Variants in MAP2 observed in about 807,000 individuals in gnomAD.
The protein encoded by MAP2 is microtubule-associated protein 2.
In MAP2, 14 loss-of-function variants were observed where a neutral mutation model predicts 137.6. The ratio of observed to expected loss-of-function variants is 0.10; its 90% CI spans 0.07 to 0.16. The LOEUF (loss-of-function observed/expected upper bound fraction) is 0.16. Ranked by LOEUF, MAP2 falls within the 10% of genes least tolerant of loss-of-function variation. The pLI is 1.00. For synonymous variants in MAP2, 786 were observed against 782.3 expected, an observed-to-expected ratio of 1.00 and a Z score of -0.08; for missense variants, 2,088 against 2,191.5, an observed-to-expected ratio of 0.95 and a Z score of 0.94.
intron 1 of MAP2, among the ~76,000 whole-genome samples, chr2:209,435,998 T>TATATACAGTATATATTATATATA (rs1696049090): frequency 1.1e-5 from 1 of 88,806 alleles, no homozygotes; most frequent in Non-Finnish European, 2.0e-5. Flanking sequence ...TATTATATAC[T>TATATACAGTATATATTATATATA]ATATATACAG....
chr2:209,678,824 T>G, intron 6 of MAP2, 139 bp downstream of exon 6: 1 of 466,654 alleles, frequency 2.1e-6, no homozygotes. Context: ...TGACTGGGTA[T>G]GCACTAGGAC....
At chr2:209,692,506 T>A in intron 7 of MAP2, 119 bp from the exon 8 acceptor site, 1 of 1,082,794 alleles carries the variant, frequency 9.2e-7, no homozygotes, top group Non-Finnish European at 1.3e-6. Context: ...CATGCTTGCA[T>A]GTTCCATAAT....
rs143758370 is a variant in MAP2 at position 209,725,634 on chromosome 2, C to T, written c.5074-75C>T. ...GCATGTTGTGACTTTGGGTGTGTTT[C>T]TAGATCTTATGTATGAGCTTGGGTT... is the stretch of plus-strand genomic sequence containing the variant. On this transcript the variant is annotated intron_variant, in intron 13 of 15. Transcript: ENST00000682079. The T allele has an allele frequency of 6.2e-5, 55 of 889,272 alleles. No homozygotes were observed. In the East Asian group the frequency reaches 1.5e-3, roughly 24 times the overall value. The allele number at this position is 889,272 out of a possible 1,614,324, so 55.1% of individuals were successfully genotyped here.
At chr2:209,587,468 A>G (rs1367397231) in intron 3 of MAP2, among the ~76,000 whole-genome samples, 2 of 152,070 alleles carry the variant, frequency 1.3e-5, no homozygotes, top group African/African-American at 2.4e-5. Flanking sequence ...ACTCTATAGG[A>G]GAATGCATCG....
Position 209,694,639 on chromosome 2 carries a change from T to A in MAP2, c.2469T>A (p.Ser823Arg). The A allele has an allele frequency of 6.2e-7, 1 of 1,614,126 alleles. No individual in the cohort carries two copies. Among genetic ancestry groups the A allele is most frequent in the East Asian group, 2.2e-5 (1 of 44,872 alleles). ...CAAGGTCAAGATTGGCTTCTGTGAG[T>A]GCAGATGCTGAGGTTGCCAGGAGGA... The part of the protein sequence containing the change: ...AGTRSRLASV[S>R]ADAEVARRKS... The change falls in exon 8 of 16, where the codon AGT (serine) becomes AGA (arginine). Residue 823 changes from serine to arginine, a missense_variant. By Grantham distance (110) the Ser-to-Arg change is moderately radical. This residue lies in a region of MAP2 where 500 missense variants were observed against 482.9 expected (regional missense o/e 1.04). Coordinates refer to ENST00000682079, the MANE Select transcript of MAP2 (RefSeq NM_001375505.1).
chr2:209,549,977 G>T (rs770163182), intron 2 of MAP2, among the ~76,000 whole-genome samples: 3 of 152,178 alleles, frequency 2.0e-5, no homozygotes, highest in South Asian at 2.1e-4. Flanking sequence ...GATGGAAAAG[G>T]TACTGATTTA....
intron 1 of MAP2, among the ~76,000 whole-genome samples, chr2:209,455,419 G>A (rs1254474597): frequency 6.6e-6 from 1 of 152,164 alleles, no homozygotes; most frequent in African/African-American, 2.4e-5. Flanking sequence ...TTTTATCTCT[G>A]AAATTGCTCC....
In MAP2 at chr2:209,729,859, G is replaced by A. The variant is rs1239778625; in HGVS notation, c.5165G>A (p.Arg1722His). 21 of 1,609,284 alleles carry A rather than the reference G, an allele frequency of 1.3e-5. No individual in the cohort carries two copies. Among genetic ancestry groups the A allele is most frequent in the Middle Eastern group, 1.6e-4 (1 of 6,062 alleles). The change falls in exon 15 of 16, where the codon CGT becomes CAT. Residue 1722 changes from arginine (R) to histidine (H), a missense_variant. Physicochemically the swap from Arg to His is conservative, Grantham distance 29. Around this residue, in one of 6 missense-constraint regions of MAP2, gnomAD observed 112 missense variants for 201.0 expected, o/e 0.56. Transcript: ENST00000682079. ...ATTTCTTCCCTCATAGGTGGCGGAC[G>A]TGTGAAAATTGAGAGTGTAAAACTA... ...KNIRHRPGGGRVKIESVKLDF... is the reference protein window; with the variant it reads ...KNIRHRPGGGHVKIESVKLDF...
intron 2 of MAP2, among the ~76,000 whole-genome samples, chr2:209,571,558 A>G (rs981643232): frequency 6.6e-6 from 1 of 152,068 alleles, no homozygotes; most frequent in Non-Finnish European, 1.5e-5. Flanking sequence ...TTGTTCAACT[A>G]TTATAGTTTT....
At chr2:209,520,453 T>C (rs1261764416) in intron 2 of MAP2, among the ~76,000 whole-genome samples, 2 of 152,100 alleles carry the variant, frequency 1.3e-5, no homozygotes, top group African/African-American at 4.8e-5. Context: ...AGGGAAGATA[T>C]TCTAATAATG....
At chr2:209,495,962 T>C (rs1364657417) in intron 1 of MAP2, among the ~76,000 whole-genome samples, 1 of 152,178 alleles carries the variant, frequency 6.6e-6, no homozygotes, top group Admixed American at 6.5e-5. Context: ...ATGGGTGAAA[T>C]AGTTTCAATT....
chr2:209,452,481 G>T (rs940185409), intron 1 of MAP2, among the ~76,000 whole-genome samples: 1 of 152,036 alleles, frequency 6.6e-6, no homozygotes, highest in Non-Finnish European at 1.5e-5. Context: ...AAAAATCATG[G>T]TTAGTACCCC....
chr2:209,482,018 ACTT>A (rs1708897727), intron 1 of MAP2, among the ~76,000 whole-genome samples: 1 of 151,796 alleles, frequency 6.6e-6, no homozygotes, highest in Admixed American at 6.6e-5. Context: ...TTACCGTGGA[ACTT>A]CTTTTTTTTT....
Position 209,694,011 on chromosome 2 carries a change from A to G in MAP2, c.1841A>G (p.Lys614Arg). 6.2e-7 allele frequency: 1 copy of G among 1,614,034 alleles called. No individual in the cohort carries two copies. The highest frequency in any genetic ancestry group is 8.5e-7 in the Non-Finnish European group (1 of 1,179,968). ...ATTGATACCATGTCTCCCATGCATA[A>G]AAATGGTGACAAGGAGTTTCAAACA... ...ESIDTMSPMH[K>R]NGDKEFQTGK... The change falls in exon 8 of 16, where the codon AAA becomes AGA. Residue 614 changes from lysine to arginine, a missense_variant. Coordinates refer to ENST00000682079, the MANE Select transcript of MAP2 (RefSeq NM_001375505.1).
At chr2:209,576,247 T>C (rs1465314204) in intron 2 of MAP2, among the ~76,000 whole-genome samples, 3 of 152,098 alleles carry the variant, frequency 2.0e-5, no homozygotes, top group African/African-American at 7.2e-5. Flanking sequence ...TTTATTTATT[T>C]ATTTATTATT....
chr2:209,514,170 TGG>T (rs2062125614), intron 2 of MAP2, among the ~76,000 whole-genome samples: 1 of 151,478 alleles, frequency 6.6e-6, no homozygotes, highest in Non-Finnish European at 1.5e-5. Flanking sequence ...ATTAGAATCC[TGG>T]ATATGTTTTT....
intron 1 of MAP2, among the ~76,000 whole-genome samples, chr2:209,429,650 G>C (rs546740397): frequency 3.3e-5 from 5 of 151,984 alleles, no homozygotes; most frequent in Non-Finnish European, 5.9e-5. Flanking sequence ...ATATTTCATC[G>C]CTTAACTGTC....
intron 3 of MAP2, among the ~76,000 whole-genome samples, chr2:209,607,437 GTTTA>G (rs2085165367): frequency 6.6e-6 from 1 of 152,090 alleles, no homozygotes; most frequent in Non-Finnish European, 1.5e-5. Flanking sequence ...TTGTTTGTTT[GTTTA>G]TTTGTTTGTT....
intron 10 of MAP2, among the ~76,000 whole-genome samples, chr2:209,697,792 C>T (rs907269994): frequency 6.6e-6 from 1 of 152,090 alleles, no homozygotes; most frequent in South Asian, 2.1e-4. Context: ...AAAACTCTTC[C>T]TTTTAGGAGG....
Sources: gnomAD v4.1 joint callset for allele counts (sites outside exome capture counted in the v4.1 genomes callset) on GRCh38, gnomAD v4.1.1 for gene constraint, gnomAD v4.1.1 regional missense constraint, MANE v1.5 for transcripts, NCBI Gene and HGNC (gene_info 2026-07-23, HGNC 2026-07-21) for gene names.